ATL2: variants seen among roughly 807,000 people sequenced by gnomAD.
ATL2 encodes atlastin-2.
A neutral mutation model predicts 73.9 loss-of-function variants in ATL2; 31 were observed. The ratio of observed to expected loss-of-function variants is 0.42; its 90% confidence interval spans 0.32 to 0.57. The LOEUF is 0.57. Ranked by LOEUF, ATL2 falls within the 20% of genes least tolerant of loss-of-function variation. The pLI, the probability that ATL2 is intolerant of heterozygous loss-of-function variation, is 0.14. For synonymous variants in ATL2, 291 were observed against 237.5 expected (o/e 1.23, Z -2.07); for missense variants, 738 against 702.6 (o/e 1.05, Z -0.57).
chr2:38,342,301 T>C (rs1472740983), intron 2 of ATL2, among the ~76,000 whole-genome samples: 2 of 152,040 alleles, frequency 1.3e-5, no homozygotes, highest in Non-Finnish European at 2.9e-5. Flanking sequence ...GGCCCACCCA[T>C]GACAGAGATT....
intron 4 of ATL2, among the ~76,000 whole-genome samples, chr2:38,315,621 G>C (rs1573461203): frequency 6.6e-6 from 1 of 152,148 alleles, no homozygotes; most frequent in East Asian, 1.9e-4. Flanking sequence ...GTATCTAGTA[G>C]GTTTCTTGTA....
At chr2:38,301,923 G>A (rs1558386007) in intron 9 of ATL2, among the ~76,000 whole-genome samples, 1 of 152,310 alleles carries the variant, frequency 6.6e-6, no homozygotes, top group South Asian at 2.1e-4. Context: ...CTGAGAGAGA[G>A]TCTTTCCTTC....
intron 3 of ATL2, 122 bp from the exon 4 acceptor site, chr2:38,318,761 T>C (rs568345969): frequency 7.5e-6 from 10 of 1,330,334 alleles, no homozygotes; most frequent in African/African-American, 7.4e-5. Context: ...ATCTCATACA[T>C]TTGACATAAT....
At chr2:38,360,885 G>A (rs1321626693) in intron 1 of ATL2, among the ~76,000 whole-genome samples, 3 of 150,960 alleles carry the variant, frequency 2.0e-5, no homozygotes, top group African/African-American at 7.3e-5. Context: ...TATACAAGAA[G>A]AACGAAACAT....
In ATL2 at chr2:38,343,366, T is replaced by C. The variant is rs909377489; in HGVS notation, c.265A>G (p.Ile89Val). Residue 89 changes from isoleucine (I) to valine (V), a missense_variant, in exon 2 of 13, where the codon ATA becomes GTA. Ile to Val is a conservative substitution (Grantham distance 29). Transcript: ENST00000378954. ...ACCACTACTATGTTAAGATCTCGTA[T>C]GTGCTCCTGTAGCAATATCTGCTCC... The part of the protein sequence containing the change: ...ALEQILLQEH[I>V]RDLNIVVVSV... The C allele has an allele frequency of 1.9e-6, 3 of 1,612,272 alleles. No homozygotes were observed. The highest frequency in any genetic ancestry group is 2.5e-6 in the Non-Finnish European group (3 of 1,179,708).
chr2:38,347,353 AT>A (rs1670083521), intron 1 of ATL2, among the ~76,000 whole-genome samples: 1 of 151,958 alleles, frequency 6.6e-6, no homozygotes, highest in African/African-American at 2.4e-5. Context: ...CCACCTTAGA[AT>A]TTTTGTCCTG....
chr2:38,327,431 A>G (rs1668726861), intron 2 of ATL2, among the ~76,000 whole-genome samples: 1 of 151,976 alleles, frequency 6.6e-6, no homozygotes, highest in South Asian at 2.1e-4. Flanking sequence ...GCCACCAAAA[A>G]ACACGTTTAA....
At position 38,298,339 on chromosome 2, in the gene ATL2, A is replaced by C. The variant is rs765207502; in HGVS notation, c.1437T>G (p.Phe479Leu). The C allele has an allele frequency of 1.1e-5, 18 of 1,614,108 alleles. No homozygotes were observed. The highest frequency in any genetic ancestry group is 1.4e-5 in the Non-Finnish European group (17 of 1,180,032). Reference protein sequence around the residue: ...FYAARTPATLFAVMFAMYIIS... With the variant: ...FYAARTPATLLAVMFAMYIIS... Reference sequence around the variant, plus strand: ...TTATATACATAGCAAACATGACCGCAAACAGTGTGGCTGGGGTACGAGCAG... The same window carrying C: ...TTATATACATAGCAAACATGACCGCCAACAGTGTGGCTGGGGTACGAGCAG... The change falls in exon 12 of 13, where the codon TTT becomes TTG. Residue 479 changes from phenylalanine (F) to leucine (L), a missense_variant. Physicochemically the swap from Phe to Leu is conservative, Grantham distance 22 (BLOSUM62 0). Transcript: ENST00000378954.
At chr2:38,375,817 T>C (rs1254339070) in intron 1 of ATL2, among the ~76,000 whole-genome samples, 1 of 152,244 alleles carries the variant, frequency 6.6e-6, no homozygotes, top group Non-Finnish European at 1.5e-5. Flanking sequence ...GCTACCACTG[T>C]ACAAACAGTC....
intron 9 of ATL2, among the ~76,000 whole-genome samples, chr2:38,306,194 G>A (rs893605520): frequency 6.6e-6 from 1 of 152,128 alleles, no homozygotes; most frequent in African/African-American, 2.4e-5. Flanking sequence ...ATTGATCCAT[G>A]AATAAATCTA....
intron 9 of ATL2, among the ~76,000 whole-genome samples, chr2:38,300,674 G>A (rs1667139396): frequency 6.6e-6 from 1 of 151,738 alleles, no homozygotes; most frequent in Non-Finnish European, 1.5e-5. Context: ...CTTTAGAGAT[G>A]GGGTCTCACA....
chr2:38,356,107 T>C (rs924547477), intron 1 of ATL2, among the ~76,000 whole-genome samples: 2 of 152,096 alleles, frequency 1.3e-5, no homozygotes, highest in Non-Finnish European at 2.9e-5. Flanking sequence ...TAGCCACATA[T>C]GTAATTTTAA....
At chr2:38,301,470 G>A (rs868306850) in intron 9 of ATL2, among the ~76,000 whole-genome samples, 16 of 152,308 alleles carry the variant, frequency 1.1e-4, no homozygotes, top group Admixed American at 1.3e-4. Context: ...ACTGAAAGAG[G>A]CACTGAAGAG....
intron 9 of ATL2, among the ~76,000 whole-genome samples, chr2:38,304,307 T>C (rs1292875511): frequency 2.0e-5 from 3 of 152,186 alleles, no homozygotes; most frequent in African/African-American, 7.2e-5. Context: ...GTGAAAATAC[T>C]TCAAACATGA....
chr2:38,318,301 A>C (rs1346222347), intron 4 of ATL2: 1 of 327,866 alleles, frequency 3.1e-6, no homozygotes, highest in Non-Finnish European at 5.5e-6. Context: ...AACGTGGTGA[A>C]ACCCGTCTCT....
At chr2:38,377,565 C>T (rs1366325241), upstream of ATL2, among the ~76,000 whole-genome samples, 1 of 152,142 alleles carries the variant, frequency 6.6e-6, no homozygotes, top group African/African-American at 2.4e-5. Flanking sequence ...ACACCCCCAC[C>T]TCCCTGAGCT....
upstream of ATL2, among the ~76,000 whole-genome samples, chr2:38,377,905 T>C (rs1054677925): frequency 6.6e-6 from 1 of 151,956 alleles, no homozygotes; most frequent in Non-Finnish European, 1.5e-5. Context: ...CCCATCTACT[T>C]ATGAGACCTT....
At chr2:38,352,717 T>C (rs1670428664) in intron 1 of ATL2, among the ~76,000 whole-genome samples, 1 of 152,156 alleles carries the variant, frequency 6.6e-6, no homozygotes, top group Admixed American at 6.6e-5. Flanking sequence ...GAAAGAAACA[T>C]CTATACCTTA....
chr2:38,368,312 G>A (rs938563446), intron 1 of ATL2, among the ~76,000 whole-genome samples: 2 of 150,234 alleles, frequency 1.3e-5, no homozygotes, highest in Non-Finnish European at 3.0e-5. Flanking sequence ...GAGCGCAATG[G>A]TGCAATCTCA....
Sources: gnomAD v4.1 joint callset for allele counts (sites outside exome capture counted in the v4.1 genomes callset) on GRCh38, gnomAD v4.1.1 for gene constraint, MANE v1.5 for transcripts, NCBI Gene and HGNC (gene_info 2026-07-23, HGNC 2026-07-21) for gene names.